Variants in CTNNA3 observed in about 807,000 individuals in gnomAD.
The protein encoded by CTNNA3 is catenin alpha-3.
Under a neutral mutation model 95.7 loss-of-function variants are expected in CTNNA3, and 76 were observed. That is an observed-to-expected ratio of 0.79 (90% CI 0.66 to 0.96). CTNNA3 has a LOEUF of 0.96. Ranked by LOEUF, CTNNA3 falls within the 40% of genes least tolerant of loss-of-function variation. The pLI, the probability that CTNNA3 is intolerant of heterozygous loss-of-function variation, is 0.00. For missense variants in CTNNA3, 1,191 were observed against 1,089.8 expected (o/e 1.09, Z -1.31); for synonymous variants, 431 against 374.4 (o/e 1.15, Z -1.74).
At chr10:67,610,191 T>G (rs575007190) in intron 2 of CTNNA3, among the ~76,000 whole-genome samples, 6 of 152,326 alleles carry the variant, frequency 3.9e-5, no homozygotes, top group African/African-American at 9.6e-5. Context: ...AGATCCTCCA[T>G]GCGCCAAATG....
intron 13 of CTNNA3, among the ~76,000 whole-genome samples, chr10:66,107,101 C>A (rs1203865855): frequency 2.0e-5 from 3 of 152,150 alleles, no homozygotes; most frequent in Non-Finnish European, 2.9e-5. Flanking sequence ...TAGCATGATT[C>A]TCAGGGATGA....
chr10:67,373,320 C>A (rs1440930253), intron 5 of CTNNA3, among the ~76,000 whole-genome samples: 1 of 152,076 alleles, frequency 6.6e-6, no homozygotes, highest in African/African-American at 2.4e-5. Context: ...GCAGGGATTG[C>A]AATCTTAGTC....
chr10:66,432,931 G>T (rs1461477080), intron 11 of CTNNA3, among the ~76,000 whole-genome samples: 2 of 152,126 alleles, frequency 1.3e-5, no homozygotes, highest in African/African-American at 4.8e-5. Context: ...AGTTTGCTGA[G>T]AATGATGGTT....
intron 6 of CTNNA3, among the ~76,000 whole-genome samples, chr10:67,193,441 G>C (rs7477560): frequency 0.027 from 4,146 of 151,938 alleles, 138 homozygotes; most frequent in African/African-American, 0.09. Context: ...AGATTATTTT[G>C]TCACCAGGTA....
At chr10:65,939,063 T>C (rs2133170664) in intron 17 of CTNNA3, among the ~76,000 whole-genome samples, 1 of 151,990 alleles carries the variant, frequency 6.6e-6, no homozygotes, top group Non-Finnish European at 1.5e-5. Context: ...CTACCATGCC[T>C]GGCTAATTTT....
chr10:66,195,827 C>G (rs75786744), intron 13 of CTNNA3, among the ~76,000 whole-genome samples: 5,777 of 152,198 alleles, frequency 0.038, 387 homozygotes, highest in African/African-American at 0.13. Context: ...AGAATGTTAA[C>G]AGATTCTGAA....
intron 9 of CTNNA3, among the ~76,000 whole-genome samples, chr10:66,722,991 G>A (rs1240733523): frequency 1.3e-5 from 2 of 152,070 alleles, no homozygotes; most frequent in African/African-American, 4.8e-5. Context: ...ATTCAGAAAT[G>A]AAGTCTTTTC....
chr10:66,085,591 T>A (rs754119842), intron 14 of CTNNA3, among the ~76,000 whole-genome samples: 4 of 152,130 alleles, frequency 2.6e-5, no homozygotes, highest in Non-Finnish European at 5.9e-5. Flanking sequence ...TATGGGAGAA[T>A]GTCACCAGAG....
intron 9 of CTNNA3, among the ~76,000 whole-genome samples, chr10:66,681,448 C>T (rs1589116370): frequency 6.6e-6 from 1 of 152,142 alleles, no homozygotes; most frequent in South Asian, 2.1e-4. Flanking sequence ...TCTAGCATAC[C>T]TTTACTGGCT....
chr10:67,312,594 AG>A (rs1840858044), intron 5 of CTNNA3, among the ~76,000 whole-genome samples: 1 of 152,354 alleles, frequency 6.6e-6, no homozygotes, highest in East Asian at 1.9e-4. Context: ...GGGGGAGAAG[AG>A]GAGACTGGAC....
At chr10:66,746,506 A>G (rs1838879692) in intron 9 of CTNNA3, among the ~76,000 whole-genome samples, 1 of 152,190 alleles carries the variant, frequency 6.6e-6, no homozygotes, top group South Asian at 2.1e-4. Context: ...TAATATTACT[A>G]CAAGTATTAT....
chr10:67,381,939 T>C (rs1453471216), intron 5 of CTNNA3, among the ~76,000 whole-genome samples: 1 of 152,220 alleles, frequency 6.6e-6, no homozygotes, highest in East Asian at 1.9e-4. Flanking sequence ...ATATTCATTT[T>C]ACTTACATGT....
intron 17 of CTNNA3, among the ~76,000 whole-genome samples, chr10:65,936,375 G>C (rs1357958175): frequency 2.0e-5 from 3 of 151,994 alleles, no homozygotes; most frequent in Non-Finnish European, 2.9e-5. Context: ...TACAGTAGTT[G>C]TTGCTTTGTA....
chr10:66,313,035 C>A (rs546315986), intron 12 of CTNNA3, among the ~76,000 whole-genome samples: 1 of 151,998 alleles, frequency 6.6e-6, no homozygotes, highest in East Asian at 1.9e-4. Context: ...CATTACCGGA[C>A]GAAGGAAAAG....
intron 5 of CTNNA3, among the ~76,000 whole-genome samples, chr10:67,446,748 A>G (rs1564656207): frequency 6.6e-6 from 1 of 152,120 alleles, no homozygotes; most frequent in Non-Finnish European, 1.5e-5. Context: ...TAGGAGCCCT[A>G]TCTCCCAGTT....
intron 7 of CTNNA3, chr10:67,099,205 C>G (rs930250201): frequency 6.6e-6 from 1 of 151,728 alleles, no homozygotes; most frequent in Non-Finnish European, 1.5e-5. Context: ...TCATTCAAAT[C>G]AAATTAAGAA....
chr10:65,991,505 T>A (rs1189050425), intron 15 of CTNNA3, among the ~76,000 whole-genome samples: 1 of 152,030 alleles, frequency 6.6e-6, no homozygotes, highest in Non-Finnish European at 1.5e-5. Flanking sequence ...TCCTAGGCTT[T>A]TTTTTTGTAG....
chr10:67,603,604 T>TA (rs77287628), intron 3 of CTNNA3, among the ~76,000 whole-genome samples: 74 of 137,144 alleles, frequency 5.4e-4, no homozygotes, highest in East Asian at 5.2e-3. Flanking sequence ...CTTTAAACCG[T>TA]AAAAAAAAAA....
chr10:66,304,974 A>G (rs2091913123), intron 12 of CTNNA3, among the ~76,000 whole-genome samples: 1 of 152,148 alleles, frequency 6.6e-6, no homozygotes, highest in South Asian at 2.1e-4. Context: ...AATTTCAGTC[A>G]TATGAACTTT....
Sources: allele counts gnomAD v4.1 joint callset (sites outside exome capture counted in the v4.1 genomes callset), GRCh38; gene constraint gnomAD v4.1.1; transcripts MANE v1.5; gene names NCBI Gene and HGNC (gene_info 2026-07-23, HGNC 2026-07-21).